Variants in ACOX3 observed in about 807,000 individuals in gnomAD.
ACOX3 encodes peroxisomal acyl-coenzyme A oxidase 3.
ACOX3 carries 73 observed loss-of-function variants against 81.5 expected under a neutral mutation model. That is an observed-to-expected ratio of 0.90 (90% CI 0.74 to 1.09). ACOX3 has a LOEUF of 1.09. Ranked by LOEUF, ACOX3 falls within the 50% of genes least tolerant of loss-of-function variation. ACOX3 has a pLI of 0.00. For synonymous variants in ACOX3, 387 were observed against 375.1 expected (o/e 1.03, Z -0.37); for missense variants, 947 against 928.0 (o/e 1.02, Z -0.27).
In ACOX3 at chr4:8,367,088, C is replaced by T. The variant is rs750021786; in HGVS notation, c.1984-8G>A. The T allele has an allele frequency of 1.8e-5, 29 of 1,613,490 alleles. No homozygotes were observed. Among genetic ancestry groups the T allele is most frequent in the Non-Finnish European group, 2.2e-5 (26 of 1,179,744 alleles). ...CCAGAGGTTTTTGTAGAGCTGCAAACAACACGTACACAGCAAGTGAAGACA... is the reference window on the plus strand; with the variant it reads ...CCAGAGGTTTTTGTAGAGCTGCAAATAACACGTACACAGCAAGTGAAGACA... On this transcript the variant is annotated splice_region_variant and splice_polypyrimidine_tract_variant and intron_variant, in intron 17 of 17. Transcript: ENST00000356406.
chr4:8,419,782 G>C lies in ACOX3; in HGVS notation c.-14-3247C>G, dbSNP rs1419343053. On this transcript the variant is annotated intron_variant, in intron 1 of 17. Coordinates refer to ENST00000356406, the MANE Select transcript of ACOX3 (RefSeq NM_003501.3). The surrounding 1 kb of genome is among the most constrained non-coding windows in gnomAD (Gnocchi z 4.2). The stretch of plus-strand genomic sequence containing the variant: ...TACTGAGTGTTCAACACTGAATTCA[G>C]CCTCTCAGCCCTGACCCAGCTTCGC... Among the ~76,000 whole-genome samples, 1 of 152,118 alleles carries C rather than the reference G, an allele frequency of 6.6e-6. No individual in the cohort carries two copies. Among genetic ancestry groups the C allele is most frequent in the African/African-American group, 2.4e-5 (1 of 41,412 alleles).
chr4:8,380,964 G>A (rs1163989187), intron 14 of ACOX3, among the ~76,000 whole-genome samples: 1 of 152,212 alleles, frequency 6.6e-6, no homozygotes, highest in Non-Finnish European at 1.5e-5. Context: ...ATGACAAGGT[G>A]TTTTATAACA....
Position 8,382,954 on chromosome 4 carries a change from G to C in ACOX3, c.1538-1347C>G, listed in dbSNP as rs1227103161. Reference sequence around the variant, plus strand: ...TGCAGTGAGCCGAGATCGCGCCACTGCACTCCAGCCTGGGCGACAGAGCGA... The same window carrying C: ...TGCAGTGAGCCGAGATCGCGCCACTCCACTCCAGCCTGGGCGACAGAGCGA... On this transcript the variant is annotated intron_variant, in intron 13 of 17. Coordinates refer to ENST00000356406, the MANE Select transcript of ACOX3 (RefSeq NM_003501.3). This position sits in a 1 kb window ranked among gnomAD's most constrained non-coding sequence, Gnocchi z 4.1. Among the ~76,000 whole-genome samples the C allele has an allele frequency of 7.3e-6, 1 of 137,330 alleles. No homozygotes were observed. 90.1% of individuals were successfully genotyped at this position (137,330 alleles called of 152,430 possible). A position where few individuals can be genotyped will look rare whatever the true frequency, so the allele number is the denominator to read the frequency against.
rs1205990076 is a variant in ACOX3 at position 8,418,457 on chromosome 4, T to G, written c.-14-1922A>C. 3.4e-5 allele frequency among the ~76,000 whole-genome samples: 3 copies of G among 89,210 alleles called. No homozygotes were observed. The Admixed American group carries it at 5.1e-4, about 15-fold the overall frequency. The allele number at this position is 89,210 out of a possible 152,430, so 58.5% of individuals were successfully genotyped here. Reference sequence around the variant, plus strand: ...CTGGGTGACAGAGCGAGACTCCATCTCAAAAAAAAAAAAAAAAAAAAATTC... The same window carrying G: ...CTGGGTGACAGAGCGAGACTCCATCGCAAAAAAAAAAAAAAAAAAAAATTC... On this transcript the variant is annotated intron_variant, in intron 1 of 17. Transcript: ENST00000356406.
intron 14 of ACOX3, among the ~76,000 whole-genome samples, chr4:8,378,226 T>C (rs1485208192): frequency 6.6e-6 from 1 of 152,196 alleles, no homozygotes; most frequent in African/African-American, 2.4e-5. Flanking sequence ...ACTGCAGCCA[T>C]GCAGCCTGGG....
intron 9 of ACOX3, among the ~76,000 whole-genome samples, chr4:8,395,696 A>G (rs1719616780): frequency 6.7e-6 from 1 of 150,082 alleles, no homozygotes; most frequent in Non-Finnish European, 1.5e-5. Flanking sequence ...TGGTGGCCCC[A>G]GTGCGCTCTC....
At chr4:8,417,876 AC>A (rs1722515366) in intron 1 of ACOX3, among the ~76,000 whole-genome samples, 1 of 152,300 alleles carries the variant, frequency 6.6e-6, no homozygotes, top group South Asian at 2.1e-4. Flanking sequence ...ATCACCACTG[AC>A]CCTAAAGAAA....
At chr4:8,360,079 T>A in the ACOX3 span, among the ~76,000 whole-genome samples, 44 of 152,316 alleles carry the variant, frequency 2.9e-4, no homozygotes, top group African/African-American at 1.1e-3. Flanking sequence ...GAGGTTTCCT[T>A]CTTGTCTTCT....
At chr4:8,377,803 G>A (rs1253446449) in intron 14 of ACOX3, among the ~76,000 whole-genome samples, 1 of 152,244 alleles carries the variant, frequency 6.6e-6, no homozygotes, top group East Asian at 1.9e-4. Context: ...GGACTCTGGC[G>A]ACCCGGGGGG....
At chr4:8,410,436 C>T in intron 5 of ACOX3, 81 bp from the exon 6 acceptor site, 1 of 1,523,632 alleles carries the variant, frequency 6.6e-7, no homozygotes, top group Non-Finnish European at 9.0e-7. Context: ...TAGACAGATT[C>T]CATTTTCTAC....
chr4:8,412,515 GATGAATGGATGGATGGAAGA>G (rs1560196421), intron 5 of ACOX3, among the ~76,000 whole-genome samples: 1 of 151,586 alleles, frequency 6.6e-6, no homozygotes, highest in Non-Finnish European at 1.5e-5. Flanking sequence ...TGGATGGAAG[GATGAATGGATGGATGGAAGA>G]ATGAATGGAC....
chr4:8,394,642 G>C lies in ACOX3; in HGVS notation c.1157C>G (p.Ser386Trp), dbSNP rs755214872. 1.9e-6 allele frequency: 3 copies of C among 1,613,660 alleles called. No individual in the cohort carries two copies. In the African/African-American group the frequency reaches 4.0e-5, roughly 22 times the overall value. The change falls in exon 10 of 18, where the codon TCG (serine) becomes TGG (tryptophan). Residue 386 changes from serine (S) to tryptophan (W), a missense_variant. By Grantham distance (177) the Ser-to-Trp change is radical (BLOSUM62 -3). Transcript: ENST00000356406. The surrounding 1 kb of genome is among the most constrained non-coding windows in gnomAD (Gnocchi z 5.9). ...CACCTGTCTGGCGCTGCGGTCTCCC[G>C]ATGCAAGTCCTCGCTGGAGCTCCAC... ...DLVELQRGLASGDRSARQAEL... is the reference protein window; with the variant it reads ...DLVELQRGLAWGDRSARQAEL...
rs927824984 is a variant in ACOX3 at position 8,406,569 on chromosome 4, A to C, written c.688-526T>G. Among the ~76,000 whole-genome samples the C allele has an allele frequency of 6.6e-6, 1 of 152,126 alleles. No individual in the cohort carries two copies. Among genetic ancestry groups the C allele is most frequent in the Non-Finnish European group, 1.5e-5 (1 of 68,024 alleles). On this transcript the variant is annotated intron_variant, in intron 6 of 17. Transcript: ENST00000356406. This position sits in a 1 kb window ranked among gnomAD's most constrained non-coding sequence, Gnocchi z 5.6. ...GTAGTGGCCCCGAAGGCCAGGCTGC[A>C]CTGATACTTATTGGATACAAGACAA...
At chr4:8,356,620 C>T in the ACOX3 span, 3 of 455,990 alleles carry the variant, frequency 6.6e-6, no homozygotes, top group African/African-American at 6.0e-5. Flanking sequence ...TAACATGATC[C>T]CGGCAGGTGA....
In ACOX3 at chr4:8,414,211, T is replaced by C. The variant is rs1024678951; in HGVS notation, c.543+81A>G. 1 of 1,212,870 alleles carries C rather than the reference T, an allele frequency of 8.2e-7. No individual in the cohort carries two copies. The highest frequency in any genetic ancestry group is 1.2e-6 in the Non-Finnish European group (1 of 829,136). 75.1% of individuals were successfully genotyped at this position (1,212,870 alleles called of 1,614,324 possible). On this transcript the variant is annotated intron_variant, in intron 5 of 17. Transcript: ENST00000356406. This position sits in a 1 kb window ranked among gnomAD's most constrained non-coding sequence, Gnocchi z 6.1. ...GCCTCTTGCTTTAATGTTTTTTTTTTCTTATTCTGGGCAACGGCATTTGCA... is the reference window on the plus strand; with the variant it reads ...GCCTCTTGCTTTAATGTTTTTTTTTCCTTATTCTGGGCAACGGCATTTGCA...
At chr4:8,372,573 G>A (rs541781805) in intron 16 of ACOX3, among the ~76,000 whole-genome samples, 2 of 152,304 alleles carry the variant, frequency 1.3e-5, no homozygotes, top group South Asian at 4.1e-4. Context: ...TGGCCAGTTC[G>A]ATGTTAAGAC....
chr4:8,388,033 G>A (rs566488902), intron 13 of ACOX3, among the ~76,000 whole-genome samples: 89 of 152,278 alleles, frequency 5.8e-4, no homozygotes, highest in Admixed American at 1.7e-3. Context: ...GGCCTCTTGC[G>A]CTCACCTCCC....
chr4:8,403,952 C>T (rs958343693), intron 7 of ACOX3, among the ~76,000 whole-genome samples: 8 of 152,326 alleles, frequency 5.3e-5, no homozygotes, highest in Non-Finnish European at 1.0e-4. Context: ...TACGTGCACA[C>T]ATAGGACACT....
In ACOX3 at chr4:8,386,114, C is replaced by T. The variant is rs969002119; in HGVS notation, c.1537+3059G>A. On this transcript the variant is annotated intron_variant, in intron 13 of 17. Coordinates refer to ENST00000356406, the MANE Select transcript of ACOX3 (RefSeq NM_003501.3). This position sits in a 1 kb window ranked among gnomAD's most constrained non-coding sequence, Gnocchi z 5.2. ...AGGGGAAGGGGAGGGAAGAGCAGAG[C>T]GTGATGGGCACATGGAGAAGCTGGC... is the stretch of plus-strand genomic sequence containing the variant. Among the ~76,000 whole-genome samples, 8 of 152,070 alleles carry T rather than the reference C, an allele frequency of 5.3e-5. No homozygotes were observed. The highest frequency in any genetic ancestry group is 3.9e-4 in the East Asian group (2 of 5,194).
Sources: gnomAD v4.1 joint callset for allele counts (sites outside exome capture counted in the v4.1 genomes callset) on GRCh38, gnomAD v4.1.1 for gene constraint, Gnocchi (gnomAD v3.1) non-coding constraint, MANE v1.5 for transcripts, NCBI Gene and HGNC (gene_info 2026-07-23, HGNC 2026-07-21) for gene names.